The following ERBB4 variants were observed in gnomAD, a reference collection of about 807,000 sequenced individuals.
ERBB4 encodes the protein erb-b2 receptor tyrosine kinase 4.
ERBB4 carries 42 observed loss-of-function variants against 158.0 expected under a neutral mutation model. The observed-to-expected ratio is 0.27, with a 90% CI of 0.21 to 0.34. The LOEUF (loss-of-function observed/expected upper bound fraction) is 0.34, where lower values mean the gene tolerates loss of function less well. ERBB4 is among the 10% of genes least tolerant of loss of function. The pLI is 1.00. For missense variants in ERBB4, 1,333 were observed against 1,624.1 expected, an observed-to-expected ratio of 0.82 and a Z score of 3.08; for synonymous variants, 583 against 558.7, an observed-to-expected ratio of 1.04 and a Z score of -0.61.
chr2:212,216,598 C>T (rs2083107040), intron 1 of ERBB4, among the ~76,000 whole-genome samples: 1 of 150,904 alleles, frequency 6.6e-6, no homozygotes, highest in South Asian at 2.1e-4. Flanking sequence ...TATCTTCATC[C>T]AGAATTAAGT....
intron 19 of ERBB4, among the ~76,000 whole-genome samples, chr2:211,576,250 G>A (rs1449693107): frequency 6.6e-6 from 1 of 152,148 alleles, no homozygotes; most frequent in African/African-American, 2.4e-5. Context: ...GGAACATGTG[G>A]CTTTTTGTCT....
At chr2:212,184,853 T>A (rs1575764588) in intron 1 of ERBB4, among the ~76,000 whole-genome samples, 1 of 152,002 alleles carries the variant, frequency 6.6e-6, no homozygotes, top group Non-Finnish European at 1.5e-5. Context: ...AAATAAGTAT[T>A]TTTTTTCTTA....
intron 1 of ERBB4, among the ~76,000 whole-genome samples, chr2:212,256,027 T>C (rs1574532344): frequency 1.5e-5 from 2 of 132,932 alleles, no homozygotes; most frequent in South Asian, 2.5e-4. Context: ...TGGGGGGGGG[T>C]CTCACTCTGT....
chr2:212,223,583 G>A (rs2083376877), intron 1 of ERBB4, among the ~76,000 whole-genome samples: 1 of 151,090 alleles, frequency 6.6e-6, no homozygotes, highest in Non-Finnish European at 1.5e-5. Flanking sequence ...TCAAAATATT[G>A]AGGAAATGAT....
intron 20 of ERBB4, among the ~76,000 whole-genome samples, chr2:211,505,362 A>T (rs2125599949): frequency 6.6e-6 from 1 of 152,218 alleles, no homozygotes. Context: ...CTGCTAAATT[A>T]AGCTTCATAA....
intron 2 of ERBB4, among the ~76,000 whole-genome samples, chr2:212,113,782 G>T (rs757241705): frequency 6.6e-5 from 10 of 151,872 alleles, no homozygotes; most frequent in Non-Finnish European, 1.5e-4. Context: ...AAATATATAA[G>T]CTAAGTATCC....
chr2:211,882,427 G>C lies in ERBB4; in HGVS notation c.421+65003C>G, dbSNP rs977862259. 3.3e-5 allele frequency among the ~76,000 whole-genome samples: 5 copies of C among 151,950 alleles called. 1 individual carries two copies. The East Asian group carries it at 5.8e-4, about 18-fold the overall frequency. ...TCAATTTTCTGATGAACTTTTAAAA[G>C]TCCCCTCATATATAGAGATAGCTCA... On this transcript the variant is annotated intron_variant, in intron 3 of 27. Transcript: ENST00000342788.
chr2:211,712,785 G>T (rs2073751073), intron 8 of ERBB4, among the ~76,000 whole-genome samples: 1 of 151,768 alleles, frequency 6.6e-6, no homozygotes, highest in Admixed American at 6.6e-5. Context: ...GGGTGGGGGG[G>T]GATGTATAGA....
intron 3 of ERBB4, among the ~76,000 whole-genome samples, chr2:211,860,845 T>C (rs1468183306): frequency 6.8e-6 from 1 of 146,474 alleles, no homozygotes; most frequent in African/African-American, 2.5e-5. Flanking sequence ...GAGAATAATT[T>C]GGCATGAAAA....
chr2:212,459,097 G>T (rs1211124021), intron 1 of ERBB4, among the ~76,000 whole-genome samples: 2 of 152,080 alleles, frequency 1.3e-5, no homozygotes, highest in Admixed American at 6.6e-5. Flanking sequence ...TTTGTACAGG[G>T]TGATTTCTGA....
chr2:211,914,549 T>C (rs552807586), intron 3 of ERBB4, among the ~76,000 whole-genome samples: 8 of 152,222 alleles, frequency 5.3e-5, no homozygotes, highest in African/African-American at 1.9e-4. Flanking sequence ...TGGAGATAAA[T>C]CAGGCATATT....
intron 2 of ERBB4, among the ~76,000 whole-genome samples, chr2:212,065,030 G>T (rs865831934): frequency 5.7e-5 from 8 of 139,886 alleles, no homozygotes; most frequent in African/African-American, 2.3e-4. Flanking sequence ...TGTGTGTGTT[G>T]TGTGTGTGTG....
intron 22 of ERBB4, among the ~76,000 whole-genome samples, chr2:211,426,159 T>G (rs2063622669): frequency 9.4e-6 from 1 of 106,324 alleles, no homozygotes; most frequent in Non-Finnish European, 2.0e-5. Flanking sequence ...TATAAAAAAC[T>G]CTACTTCTTC....
At chr2:212,221,842 C>T (rs1289000428) in intron 1 of ERBB4, among the ~76,000 whole-genome samples, 1 of 151,440 alleles carries the variant, frequency 6.6e-6, no homozygotes, top group East Asian at 1.9e-4. Flanking sequence ...TATACCTCAC[C>T]TATGCCTGAT....
At chr2:211,922,656 A>C (rs1227553742) in intron 3 of ERBB4, among the ~76,000 whole-genome samples, 2 of 152,134 alleles carry the variant, frequency 1.3e-5, no homozygotes, top group Non-Finnish European at 2.9e-5. Context: ...AATTTCTAAG[A>C]AAACAATAAT....
At chr2:212,264,935 T>G (rs2085075997) in intron 1 of ERBB4, among the ~76,000 whole-genome samples, 1 of 152,128 alleles carries the variant, frequency 6.6e-6, no homozygotes, top group Non-Finnish European at 1.5e-5. Context: ...TTCATCATAT[T>G]TCCACATAGG....
At chr2:211,555,805 C>G (rs557621053) in intron 20 of ERBB4, among the ~76,000 whole-genome samples, 1 of 152,316 alleles carries the variant, frequency 6.6e-6, no homozygotes, top group African/African-American at 2.4e-5. Flanking sequence ...ACCTGCCTTA[C>G]AAGAGCTCCT....
intron 1 of ERBB4, among the ~76,000 whole-genome samples, chr2:212,259,205 A>T (rs192061401): frequency 6.6e-6 from 1 of 152,292 alleles, no homozygotes; most frequent in Admixed American, 6.5e-5. Flanking sequence ...TTCTTTGAAC[A>T]TGCAATATTA....
At position 211,722,450 on chromosome 2, in the gene ERBB4, C is replaced by A. The variant is rs201872526; in HGVS notation, c.826G>T (p.Glu276Ter). 6.2e-7 allele frequency: 1 copy of A among 1,613,706 alleles called. No homozygotes were observed. The highest frequency in any genetic ancestry group is 8.5e-7 in the Non-Finnish European group (1 of 1,179,680). Residue 276 changes from glutamate to a stop codon, truncating the protein, a stop_gained, in exon 7 of 28, where the codon GAG becomes TAG. Coordinates refer to ENST00000342788, the MANE Select transcript of ERBB4 (RefSeq NM_005235.3). LOFTEE classifies it high-confidence loss of function. ...FVYNPTTFQL[E>*]HNFNAKYTYG... ...GTGTACTTTGCATTGAAATTGTGCT[C>A]CAGTTGAAAGGTGGTTGGATTGTAG...
Sources: gnomAD v4.1 joint callset for allele counts (sites outside exome capture counted in the v4.1 genomes callset) on GRCh38, gnomAD v4.1.1 for gene constraint, MANE v1.5 for transcripts, NCBI Gene and HGNC (gene_info 2026-07-23, HGNC 2026-07-21) for gene names.